Variants in PHKA1 observed in about 807,000 individuals in gnomAD.
The protein encoded by PHKA1 is phosphorylase kinase regulatory subunit alpha 1.
PHKA1 carries 60 observed loss-of-function variants against 110.2 expected under a neutral mutation model. The ratio of observed to expected loss-of-function variants is 0.54; its 90% CI spans 0.44 to 0.68. The LOEUF (loss-of-function observed/expected upper bound fraction) is 0.68, where lower values mean the gene tolerates loss of function less well. Ranked by LOEUF, PHKA1 falls within the 30% of genes least tolerant of loss-of-function variation. The pLI, the probability that PHKA1 is intolerant of heterozygous loss-of-function variation, is 0.00. For synonymous variants in PHKA1, 316 were observed against 333.6 expected (o/e 0.95, Z 0.58); for missense variants, 801 against 942.5 (o/e 0.85, Z 1.97).
At chrX:72,638,127 G>GT (rs1214505871) in intron 14 of PHKA1, among the ~76,000 whole-genome samples, 6 of 110,619 alleles carry the variant, frequency 5.4e-5, no homozygotes, top group East Asian at 5.6e-4. Flanking sequence ...GTTCTCACAG[G>GT]TTTTTTTTGT....
intron 13 of PHKA1, among the ~76,000 whole-genome samples, chrX:72,649,216 G>A (rs2053397869): frequency 8.9e-6 from 1 of 111,983 alleles, no homozygotes; most frequent in Admixed American, 9.5e-5. Flanking sequence ...GAAAACACAC[G>A]AGATTATTTT....
chrX:72,603,533 A>G (rs1308557120), intron 25 of PHKA1, among the ~76,000 whole-genome samples: 1 of 111,744 alleles, frequency 8.9e-6, no homozygotes. Flanking sequence ...GAACAATGGA[A>G]CTGGAGGCCA....
At chrX:72,671,309 C>T (rs2053693210) in intron 6 of PHKA1, among the ~76,000 whole-genome samples, 1 of 110,889 alleles carries the variant, frequency 9.0e-6, no homozygotes, top group Non-Finnish European at 1.9e-5. Context: ...AACAGAGAGC[C>T]AAATCATGAG....
chrX:72,594,561 C>T (rs1372914442), intron 28 of PHKA1, among the ~76,000 whole-genome samples: 6 of 112,440 alleles, frequency 5.3e-5, no homozygotes, highest in African/African-American at 1.9e-4. Context: ...ACAAACTACC[C>T]AAACCAACTC....
chrX:72,690,473 C>T (rs782763673), intron 4 of PHKA1, among the ~76,000 whole-genome samples: 3 of 110,565 alleles, frequency 2.7e-5, no homozygotes, highest in Non-Finnish European at 5.7e-5. Flanking sequence ...ATAGGGCTGC[C>T]GTCCTTATAA....
chrX:72,599,915 G>A (rs782336761), intron 28 of PHKA1: 335 of 507,235 alleles, frequency 6.6e-4, no homozygotes, highest in Non-Finnish European at 1.1e-3. Context: ...ATGAGGCCAG[G>A]AAACAATTAT....
chrX:72,657,062 G>T (rs2053505623), intron 9 of PHKA1, among the ~76,000 whole-genome samples: 2 of 111,789 alleles, frequency 1.8e-5, no homozygotes, highest in South Asian at 7.5e-4. Flanking sequence ...CATATTGACT[G>T]TTCAATCCCT....
At chrX:72,585,636 C>T (rs893739031) in intron 29 of PHKA1, among the ~76,000 whole-genome samples, 9 of 112,076 alleles carry the variant, frequency 8.0e-5, no homozygotes, top group East Asian at 2.8e-4. Context: ...ACCCGGGAAG[C>T]GCAAGGGGTT....
intron 29 of PHKA1, among the ~76,000 whole-genome samples, chrX:72,587,361 T>G (rs782390962): frequency 2.7e-5 from 3 of 110,959 alleles, no homozygotes; most frequent in African/African-American, 9.8e-5. Context: ...AGAAATAAAA[T>G]CCTTTAGAGA....
intron 5 of PHKA1, among the ~76,000 whole-genome samples, chrX:72,679,848 G>A (rs987935511): frequency 9.1e-6 from 1 of 109,960 alleles, no homozygotes; most frequent in Non-Finnish European, 1.9e-5. Flanking sequence ...GAAGGAAGGG[G>A]GGGAACATAA....
chrX:72,617,696 A>T (rs2052918511), intron 21 of PHKA1, among the ~76,000 whole-genome samples: 1 of 111,515 alleles, frequency 9.0e-6, no homozygotes, highest in Non-Finnish European at 1.9e-5. Flanking sequence ...ATCTGAATAG[A>T]TCAATAACAA....
intron 7 of PHKA1, among the ~76,000 whole-genome samples, chrX:72,666,882 C>T (rs887013646): frequency 2.7e-5 from 3 of 112,001 alleles, no homozygotes; most frequent in Admixed American, 1.9e-4. Context: ...TTCCTCATGC[C>T]AATGAGAAAA....
intron 3 of PHKA1, among the ~76,000 whole-genome samples, chrX:72,700,288 C>T (rs782792191): frequency 1.8e-5 from 2 of 112,081 alleles, no homozygotes; most frequent in Non-Finnish European, 3.8e-5. Flanking sequence ...TTTGTAATAT[C>T]AAGCATTTCA....
intron 8 of PHKA1, among the ~76,000 whole-genome samples, chrX:72,662,482 T>C: frequency 8.9e-6 from 1 of 112,144 alleles, no homozygotes; most frequent in Non-Finnish European, 1.9e-5. Flanking sequence ...GATGGACCCA[T>C]GTCCCTGGGC....
intron 5 of PHKA1, among the ~76,000 whole-genome samples, chrX:72,683,533 A>C (rs1373861623): frequency 8.9e-6 from 1 of 112,036 alleles, no homozygotes; most frequent in Non-Finnish European, 1.9e-5. Flanking sequence ...AAAGTGTACA[A>C]CTTGATTAAT....
chrX:72,621,423 A>G (rs1341806164), intron 18 of PHKA1, among the ~76,000 whole-genome samples: 1 of 111,749 alleles, frequency 8.9e-6, no homozygotes, highest in East Asian at 2.8e-4. Context: ...AAGAGGATGG[A>G]TATGGTCCCT....
At chrX:72,620,481 G>A (rs1315084581) in intron 19 of PHKA1, among the ~76,000 whole-genome samples, 1 of 111,770 alleles carries the variant, frequency 8.9e-6, no homozygotes, top group African/African-American at 3.3e-5. Flanking sequence ...CTCTTGTTCT[G>A]CCTCTTCTTA....
At chrX:72,591,047 CA>C (rs1411043986) in intron 29 of PHKA1, among the ~76,000 whole-genome samples, 1 of 111,863 alleles carries the variant, frequency 8.9e-6, no homozygotes, top group East Asian at 2.8e-4. Context: ...TTCGACCCAG[CA>C]ATCCCATTAC....
At chrX:72,653,330 A>C in intron 11 of PHKA1, 105 bp downstream of exon 11, 1 of 552,543 alleles carries the variant, frequency 1.8e-6, no homozygotes, top group Non-Finnish European at 3.2e-6. Flanking sequence ...AAGCTTTCAG[A>C]ACAACAAAAT....
Sources: gnomAD v4.1 joint callset for allele counts (sites outside exome capture counted in the v4.1 genomes callset) on GRCh38, gnomAD v4.1.1 for gene constraint, MANE v1.5 for transcripts, NCBI Gene and HGNC (gene_info 2026-07-23, HGNC 2026-07-21) for gene names.